The following KCNQ3 variants were observed in gnomAD, a reference collection of about 807,000 sequenced individuals.
KCNQ3 encodes the protein potassium voltage-gated channel subfamily Q member 3, also known as potassium voltage-gated channel subfamily KQT member 3.
In KCNQ3, 30 loss-of-function variants were observed where a neutral mutation model predicts 92.5. The ratio of observed to expected loss-of-function variants is 0.32; its 90% confidence interval spans 0.24 to 0.44. The LOEUF (loss-of-function observed/expected upper bound fraction) is 0.44, where lower values mean the gene tolerates loss of function less well. Ranked by LOEUF, KCNQ3 falls within the 20% of genes least tolerant of loss-of-function variation. KCNQ3 has a pLI of 1.00. For synonymous variants in KCNQ3, 450 were observed against 468.8 expected (o/e 0.96, Z 0.52); for missense variants, 913 against 1,140.3 (o/e 0.80, Z 2.87).
chr8:132,452,850 G>C (rs573469550), intron 1 of KCNQ3, among the ~76,000 whole-genome samples: 1 of 152,334 alleles, frequency 6.6e-6, no homozygotes, highest in South Asian at 2.1e-4. Context: ...CTGGCCCCAA[G>C]CTGGGAGCTG....
At chr8:132,222,510 T>C (rs1814271376) in intron 1 of KCNQ3, among the ~76,000 whole-genome samples, 1 of 152,218 alleles carries the variant, frequency 6.6e-6, no homozygotes, top group Non-Finnish European at 1.5e-5. Flanking sequence ...GAGTTTAGGG[T>C]AGGCTTAAGG....
At chr8:132,228,759 GAA>G (rs34561294) in intron 1 of KCNQ3, among the ~76,000 whole-genome samples, 40 of 118,266 alleles carry the variant, frequency 3.4e-4, no homozygotes, top group Middle Eastern at 4.5e-3. Flanking sequence ...GCTGACTCTT[GAA>G]AAAAAAAAAA....
rs549045425 is a variant in KCNQ3 at position 132,129,485 on chromosome 8, T to A, written c.2396A>T (p.Glu799Val). ...GAAGCCACTTGGAGACCTCTCCAGC[T>A]CCTCGTGGTTGACCGACATCAGGGA... The part of the protein sequence containing the change: ...PLSLMSVNHE[E>V]LERSPSGFSI... The change falls in exon 15 of 15, where the codon GAG becomes GTG. Residue 799 changes from glutamate to valine, a missense_variant. Physicochemically the swap from Glu to Val is moderately radical, Grantham distance 121. This residue lies in a region of KCNQ3 where 375 missense variants were observed against 376.4 expected (regional missense o/e 1.00). Transcript: ENST00000388996. The surrounding 1 kb of genome is among the most constrained non-coding windows in gnomAD (Gnocchi z 5.9). 6.2e-7 allele frequency: 1 copy of A among 1,614,198 alleles called. No homozygotes were observed. The highest frequency in any genetic ancestry group is 1.7e-5 in the Admixed American group (1 of 60,028).
intron 1 of KCNQ3, among the ~76,000 whole-genome samples, chr8:132,406,786 G>A (rs576831228): frequency 8.5e-5 from 13 of 152,276 alleles, no homozygotes; most frequent in African/African-American, 2.2e-4. Flanking sequence ...AATTGACTCC[G>A]ACTTCAAGAG....
intron 1 of KCNQ3, among the ~76,000 whole-genome samples, chr8:132,265,038 G>A (rs2130481727): frequency 6.6e-6 from 1 of 152,290 alleles, no homozygotes; most frequent in Middle Eastern, 3.4e-3. Context: ...AGCCACAACT[G>A]TCCCACCTGT....
At chr8:132,255,114 C>A (rs995524232) in intron 1 of KCNQ3, among the ~76,000 whole-genome samples, 10 of 151,800 alleles carry the variant, frequency 6.6e-5, no homozygotes, top group African/African-American at 2.4e-4. Flanking sequence ...ATGCCCCCTC[C>A]CCCCCACCTC....
At chr8:132,176,026 A>G (rs1379743586) in intron 4 of KCNQ3, among the ~76,000 whole-genome samples, 2 of 151,994 alleles carry the variant, frequency 1.3e-5, no homozygotes, top group Non-Finnish European at 2.9e-5. Context: ...CTGTCCAGAG[A>G]CCCAGCCCTG....
chr8:132,136,299 C>T (rs867335666), intron 12 of KCNQ3, among the ~76,000 whole-genome samples: 1 of 152,034 alleles, frequency 6.6e-6, no homozygotes, highest in Admixed American at 6.6e-5. Flanking sequence ...AGAGAGGACG[C>T]GTGTCCATTG....
At chr8:132,475,319 T>C (rs964224889) in intron 1 of KCNQ3, among the ~76,000 whole-genome samples, 4 of 151,992 alleles carry the variant, frequency 2.6e-5, no homozygotes, top group African/African-American at 7.2e-5. Flanking sequence ...TGGGCAGAGG[T>C]TGGGACAGTC....
At chr8:132,369,387 T>G (rs752054959) in intron 1 of KCNQ3, among the ~76,000 whole-genome samples, 1 of 152,168 alleles carries the variant, frequency 6.6e-6, no homozygotes, top group Non-Finnish European at 1.5e-5. Flanking sequence ...TGTTTGAAAT[T>G]CTTCTGCACT....
At chr8:132,230,827 C>T (rs1430694477) in intron 1 of KCNQ3, among the ~76,000 whole-genome samples, 1 of 152,148 alleles carries the variant, frequency 6.6e-6, no homozygotes, top group Non-Finnish European at 1.5e-5. Context: ...CCACTTCTTA[C>T]CCCCTTACTT....
chr8:132,233,964 A>G (rs1009481954), intron 1 of KCNQ3, among the ~76,000 whole-genome samples: 3 of 152,232 alleles, frequency 2.0e-5, no homozygotes, highest in African/African-American at 7.2e-5. Flanking sequence ...AAGTGAACAC[A>G]TAATTTATTG....
Position 132,180,244 on chromosome 8 carries a change from G to A in KCNQ3, c.690C>T (p.Arg230=), listed in dbSNP as rs779577320. The A allele has an allele frequency of 1.2e-6, 2 of 1,614,102 alleles. No homozygotes were observed. The highest frequency in any genetic ancestry group is 1.7e-6 in the Non-Finnish European group (2 of 1,180,052). Residue 230 remains arginine, a synonymous_variant, in exon 4 of 15, where the codon CGC becomes CGT. Transcript: ENST00000388996. The part of the protein sequence containing the change: ...NVLATSLRSL[R]FLQILRMLRM... ...GCAGCATGCGCAGGATCTGCAGGAA[G>A]CGCAGGCTTCGCAGGGAGGTGGCCA...
chr8:132,480,725 CA>C lies in KCNQ3; in HGVS notation c.-194del. 2.8e-6 allele frequency: 1 copy of C among 355,966 alleles called. No individual in the cohort carries two copies. The highest frequency in any genetic ancestry group is 3.9e-6 in the Non-Finnish European group (1 of 254,354). The allele number at this position is 355,966 out of a possible 1,614,324, so 22.1% of individuals were successfully genotyped here. A position where few individuals can be genotyped will look rare whatever the true frequency, so the allele number is the denominator to read the frequency against. On this transcript the variant is annotated 5_prime_UTR_variant, in exon 1 of 15. Transcript: ENST00000388996. ...CCCCTGGGGGGCAGGGGAGGCCAGG[CA>C]GGGGGTCAGGGGGTCACATCCCGCG... is the stretch of plus-strand genomic sequence containing the variant.
At chr8:132,152,891 T>A (rs1201146899) in intron 9 of KCNQ3, among the ~76,000 whole-genome samples, 1 of 152,240 alleles carries the variant, frequency 6.6e-6, no homozygotes, top group Non-Finnish European at 1.5e-5. Context: ...TAGACATAAT[T>A]ATTCTAGCTG....
chr8:132,387,500 A>G (rs1043340817), intron 1 of KCNQ3, among the ~76,000 whole-genome samples: 1 of 152,218 alleles, frequency 6.6e-6, no homozygotes, highest in African/African-American at 2.4e-5. Context: ...AAAGGCTTTA[A>G]GAAGTAGAAA....
rs77091340 is a variant in KCNQ3 at position 132,270,543 on chromosome 8, C to A, written c.387-84362G>T. On this transcript the variant is annotated intron_variant, in intron 1 of 14. Coordinates refer to ENST00000388996, the MANE Select transcript of KCNQ3 (RefSeq NM_004519.4). ...ATATGTAAAATAAGGAGTCTGGATT[C>A]GAAAATCTGGTGTGCTTCTTGCTTT... is the stretch of plus-strand genomic sequence containing the variant. Among the ~76,000 whole-genome samples, 1,378 of 152,202 alleles carry A rather than the reference C, an allele frequency of 9.1e-3. 15 individuals are homozygous for A. The highest frequency in any genetic ancestry group is 0.031 in the African/African-American group (1,303 of 41,550).
At chr8:132,169,247 C>T (rs1334046824) in intron 8 of KCNQ3, among the ~76,000 whole-genome samples, 1 of 152,176 alleles carries the variant, frequency 6.6e-6, no homozygotes, top group African/African-American at 2.4e-5. Context: ...ATCACACTTC[C>T]ATCAGAATTG....
At chr8:132,400,463 T>C (rs1820304670) in intron 1 of KCNQ3, among the ~76,000 whole-genome samples, 1 of 152,164 alleles carries the variant, frequency 6.6e-6, no homozygotes, top group South Asian at 2.1e-4. Context: ...CGGCTGTGAG[T>C]GGTCCAAGCT....
Sources: gnomAD v4.1 joint callset for allele counts (sites outside exome capture counted in the v4.1 genomes callset) on GRCh38, gnomAD v4.1.1 for gene constraint, gnomAD v4.1.1 regional missense constraint, Gnocchi (gnomAD v3.1) non-coding constraint, MANE v1.5 for transcripts, NCBI Gene and HGNC (gene_info 2026-07-23, HGNC 2026-07-21) for gene names.